The following CDH23 variants were observed in gnomAD, a reference collection of about 807,000 sequenced individuals.
The protein encoded by CDH23 is cadherin-23.
In CDH23, 189 loss-of-function variants were observed where a neutral mutation model predicts 317.1. The observed-to-expected ratio is 0.60, with a 90% CI of 0.53 to 0.67. CDH23 has a LOEUF of 0.67. Among genes scored for constraint, CDH23 ranks in the 30% least tolerant of loss-of-function variants. The pLI is 0.00. For missense variants in CDH23, 4,401 were observed against 4,592.4 expected (o/e 0.96, Z 1.20); for synonymous variants, 1,839 against 1,876.8 (o/e 0.98, Z 0.52).
At chr10:71,813,974 TTA>T (rs948672580) in intron 69 of CDH23, among the ~76,000 whole-genome samples, 19 of 152,304 alleles carry the variant, frequency 1.2e-4, no homozygotes, top group African/African-American at 4.6e-4. Flanking sequence ...CCTGTAATGA[TTA>T]TGTCAACACT....
At chr10:71,775,628 T>C (rs1390271068) in intron 38 of CDH23, among the ~76,000 whole-genome samples, 1 of 151,876 alleles carries the variant, frequency 6.6e-6, no homozygotes, top group Non-Finnish European at 1.5e-5. Flanking sequence ...GACTTTCTCC[T>C]CCCTCCGAGA....
chr10:71,553,109 A>G (rs1856687948), intron 6 of CDH23, among the ~76,000 whole-genome samples: 1 of 152,210 alleles, frequency 6.6e-6, no homozygotes, highest in Admixed American at 6.5e-5. Flanking sequence ...ACTGGGCGCC[A>G]GCCTGCTATT....
In CDH23 at chr10:71,705,016, G is replaced by T; in HGVS notation, c.2839G>T (p.Val947Leu). Reference sequence around the variant, plus strand: ...CCTCATCAACAGCAGCAGCGGCGTGGTGGTCACCACCACCGAGCTGGACCG... The same window carrying T: ...CCTCATCAACAGCAGCAGCGGCGTGTTGGTCACCACCACCGAGCTGGACCG... ...DFLINSSSGV[V>L]VTTTELDRER... The change falls in exon 25 of 70, where the codon GTG (valine) becomes TTG (leucine). Residue 947 changes from valine (V) to leucine (L), a missense_variant. Val to Leu is a conservative substitution (Grantham distance 32, BLOSUM62 1). Around this residue, in one of 3 missense-constraint regions of CDH23, gnomAD observed 3,068 missense variants for 3,203.3 expected, o/e 0.96. Coordinates refer to ENST00000224721, the MANE Select transcript of CDH23 (RefSeq NM_022124.6). 3.7e-6 allele frequency: 6 copies of T among 1,612,832 alleles called. No individual in the cohort carries two copies. The highest frequency in any genetic ancestry group is 4.2e-6 in the Non-Finnish European group (5 of 1,179,856).
intron 9 of CDH23, among the ~76,000 whole-genome samples, chr10:71,584,052 C>T (rs757746938): frequency 3.9e-5 from 6 of 152,092 alleles, no homozygotes; most frequent in Non-Finnish European, 8.8e-5. Flanking sequence ...TGGGTGCGCC[C>T]GGGCAACACT....
intron 1 of CDH23, among the ~76,000 whole-genome samples, chr10:71,402,753 G>A (rs570006321): frequency 8.9e-4 from 135 of 151,948 alleles, no homozygotes; most frequent in African/African-American, 2.9e-3. Context: ...GTGCACGCGC[G>A]CGCGCGCACA....
Position 71,454,851 on chromosome 10 carries a change from T to TA in CDH23, c.145+8456_145+8457insA, listed in dbSNP as rs1329219757. The stretch of plus-strand genomic sequence containing the variant: ...TATATTTTTTTTACATTTTATTTTT[T>TA]TTTTTTTTTAGAAACAGGATCCCTA... On this transcript the variant is annotated intron_variant, in intron 3 of 69. Coordinates refer to ENST00000224721, the MANE Select transcript of CDH23 (RefSeq NM_022124.6). Among the ~76,000 whole-genome samples, 5 of 151,424 alleles carry TA rather than the reference T, an allele frequency of 3.3e-5. No homozygotes were observed. The South Asian group carries it at 8.3e-4, about 25-fold the overall frequency.
At chr10:71,707,349 G>A in intron 26 of CDH23, 1 of 1,403,822 alleles carries the variant, frequency 7.1e-7, no homozygotes, top group Non-Finnish European at 9.2e-7. Context: ...ATGATTCCTA[G>A]GGAGGAGCCC....
intron 3 of CDH23, among the ~76,000 whole-genome samples, chr10:71,462,762 T>C (rs1407593528): frequency 6.6e-6 from 1 of 152,198 alleles, no homozygotes. Flanking sequence ...ACTCCTGTTG[T>C]ACCTGGGAAG....
At chr10:71,767,331 G>T (rs188474344) in intron 38 of CDH23, among the ~76,000 whole-genome samples, 1 of 152,364 alleles carries the variant, frequency 6.6e-6, no homozygotes, top group East Asian at 1.9e-4. Context: ...CAACGCCCTA[G>T]CCTTTGGAGG....
intron 6 of CDH23, among the ~76,000 whole-genome samples, chr10:71,551,329 G>T (rs995865917): frequency 2.6e-5 from 4 of 152,156 alleles, no homozygotes; most frequent in African/African-American, 7.2e-5. Flanking sequence ...CACTTCCTGG[G>T]GGAAGGTCAG....
In CDH23 at chr10:71,815,688, A is replaced by C; in HGVS notation, c.*410A>C. On this transcript the variant is annotated 3_prime_UTR_variant, in exon 70 of 70. Transcript: ENST00000224721. ...CAGGCGCAAGGGAGGCCCAGCGCGGACATCCCCTGCTGGCCGGACACCCGA... is the reference window on the plus strand; with the variant it reads ...CAGGCGCAAGGGAGGCCCAGCGCGGCCATCCCCTGCTGGCCGGACACCCGA... 1 of 167,468 alleles carries C rather than the reference A, an allele frequency of 6.0e-6. No homozygotes were observed. The highest frequency in any genetic ancestry group is 1.3e-5 in the Non-Finnish European group (1 of 78,052). 10.4% of individuals were successfully genotyped at this position (167,468 alleles called of 1,614,324 possible).
intron 1 of CDH23, among the ~76,000 whole-genome samples, chr10:71,401,227 C>G (rs1847767272): frequency 6.6e-6 from 1 of 152,138 alleles, no homozygotes; most frequent in Non-Finnish European, 1.5e-5. Context: ...CTCCTGAGTC[C>G]TCGGGTGGGG....
chr10:71,607,283 G>A (rs1424367952), intron 9 of CDH23, among the ~76,000 whole-genome samples: 2 of 152,236 alleles, frequency 1.3e-5, no homozygotes, highest in African/African-American at 2.4e-5. Context: ...GACAGGAAGG[G>A]CCAGGGGCCT....
intron 14 of CDH23, among the ~76,000 whole-genome samples, chr10:71,664,813 C>T (rs1863818476): frequency 6.6e-6 from 1 of 151,868 alleles, no homozygotes; most frequent in African/African-American, 2.4e-5. Flanking sequence ...TCTCCTCCCC[C>T]TTCCCCCTCC....
chr10:71,499,909 C>T (rs746723022), intron 3 of CDH23, among the ~76,000 whole-genome samples: 6 of 142,936 alleles, frequency 4.2e-5, no homozygotes, highest in South Asian at 2.3e-4. Context: ...CCCAGCTACT[C>T]GGGAGGCTGA....
chr10:71,547,325 G>A (rs1335544080), intron 6 of CDH23, among the ~76,000 whole-genome samples: 1 of 152,250 alleles, frequency 6.6e-6, no homozygotes, highest in South Asian at 2.1e-4. Context: ...GATTCTAGCA[G>A]ACGGATGGCA....
At chr10:71,474,124 A>G (rs1851663355) in intron 3 of CDH23, among the ~76,000 whole-genome samples, 1 of 152,016 alleles carries the variant, frequency 6.6e-6, no homozygotes, top group African/African-American at 2.4e-5. Flanking sequence ...CCTCTCCACA[A>G]TGCCAGAGGC....
intron 11 of CDH23, among the ~76,000 whole-genome samples, chr10:71,623,485 G>A (rs1861564747): frequency 1.3e-5 from 2 of 152,212 alleles, no homozygotes; most frequent in Non-Finnish European, 2.9e-5. Context: ...ACAGGAAGGC[G>A]TTTTTCTGTT....
intron 9 of CDH23, among the ~76,000 whole-genome samples, chr10:71,579,507 G>A (rs1858477811): frequency 6.6e-6 from 1 of 152,156 alleles, no homozygotes; most frequent in Non-Finnish European, 1.5e-5. Context: ...ACTCCAGCAT[G>A]CCCAAGAATC....
Sources: allele counts gnomAD v4.1 joint callset (sites outside exome capture counted in the v4.1 genomes callset), GRCh38; gene constraint gnomAD v4.1.1; regional missense constraint gnomAD v4.1.1; transcripts MANE v1.5; gene names NCBI Gene and HGNC (gene_info 2026-07-23, HGNC 2026-07-21).